Variants in UST observed in about 807,000 individuals in gnomAD.
UST encodes the protein uronyl 2-sulfotransferase, also known as chondroitin sulfate 2-O-sulfotransferase.
In UST, 21 loss-of-function variants were observed where a neutral mutation model predicts 45.6. The ratio of observed to expected loss-of-function variants is 0.46; its 90% CI spans 0.33 to 0.66. UST has a LOEUF of 0.66. UST is among the 30% of genes least tolerant of loss of function. The probability of loss-of-function intolerance (pLI) is 0.02; values close to 1 mark genes in which losing one functional copy is unlikely to be tolerated. For missense variants in UST, 463 were observed against 512.4 expected (o/e 0.90, Z 0.93); for synonymous variants, 215 against 200.6 (o/e 1.07, Z -0.61).
chr6:149,055,664 A>G (rs1776551512), intron 7 of UST, among the ~76,000 whole-genome samples: 1 of 152,110 alleles, frequency 6.6e-6, no homozygotes, highest in African/African-American at 2.4e-5. Context: ...TCTAATTCAC[A>G]TAATGGCCTT....
At chr6:148,757,280 T>C (rs75692087) in intron 1 of UST, among the ~76,000 whole-genome samples, 1,696 of 152,340 alleles carry the variant, frequency 0.011, 27 homozygotes, top group African/African-American at 0.039. Context: ...AGTTTAGAGA[T>C]TTGTGTGCAT....
chr6:148,867,424 A>G (rs72986611), intron 1 of UST, among the ~76,000 whole-genome samples: 39,399 of 152,054 alleles, frequency 0.26, 6,300 homozygotes, highest in Non-Finnish European at 0.38. Context: ...TACCCATGTT[A>G]AAATGTCTTC....
At chr6:148,877,843 C>T (rs1281974509) in intron 1 of UST, among the ~76,000 whole-genome samples, 6 of 104,048 alleles carry the variant, frequency 5.8e-5, no homozygotes, top group South Asian at 3.6e-4. Flanking sequence ...TGCGAGGGGT[C>T]GTGTACGAGT....
chr6:149,054,522 C>T (rs548972397), intron 7 of UST, among the ~76,000 whole-genome samples: 8 of 152,094 alleles, frequency 5.3e-5, no homozygotes, highest in Admixed American at 4.6e-4. Context: ...TGGGGGACAC[C>T]GATGCTTAAT....
intron 7 of UST, among the ~76,000 whole-genome samples, chr6:149,073,075 G>A (rs1030126317): frequency 6.6e-6 from 1 of 152,030 alleles, no homozygotes; most frequent in Non-Finnish European, 1.5e-5. Context: ...TTGTTATTAA[G>A]CATTAGTATA....
intron 1 of UST, among the ~76,000 whole-genome samples, chr6:148,858,236 G>A (rs1328265011): frequency 6.6e-6 from 1 of 152,194 alleles, no homozygotes; most frequent in Non-Finnish European, 1.5e-5. Flanking sequence ...AACCTCAGAA[G>A]TAAGGAAGCC....
chr6:149,012,253 A>C (rs1331255185), intron 5 of UST, among the ~76,000 whole-genome samples: 3 of 152,232 alleles, frequency 2.0e-5, no homozygotes, highest in Non-Finnish European at 2.9e-5. Flanking sequence ...GCCACTTTCC[A>C]ATCCATTAAG....
Position 148,964,492 on chromosome 6 carries a change from T to C in UST, c.610T>C (p.Phe204Leu), listed in dbSNP as rs750658695. The change falls in exon 5 of 8, where the codon TTT becomes CTT. Residue 204 changes from phenylalanine (F) to leucine (L), a missense_variant. Transcript: ENST00000367463. Reference sequence around the variant, plus strand: ...CTTATCCAACTATTTTTTCCGTCGCTTTGGAGACTGGAGAGGGGAACAAAA... The same window carrying C: ...CTTATCCAACTATTTTTTCCGTCGCCTTGGAGACTGGAGAGGGGAACAAAA... ...RFLSNYFFRRFGDWRGEQNHM... is the reference protein window; with the variant it reads ...RFLSNYFFRRLGDWRGEQNHM... 5 of 1,614,172 alleles carry C rather than the reference T, an allele frequency of 3.1e-6. No homozygotes were observed. The highest frequency in any genetic ancestry group is 4.2e-6 in the Non-Finnish European group (5 of 1,180,036).
intron 4 of UST, among the ~76,000 whole-genome samples, chr6:148,958,125 T>C (rs534531771): frequency 1.3e-5 from 2 of 152,318 alleles, no homozygotes; most frequent in East Asian, 3.9e-4. Flanking sequence ...TAGACAGTCT[T>C]GAGTCATGTA....
chr6:148,839,260 G>A (rs765433681), intron 1 of UST, among the ~76,000 whole-genome samples: 4 of 152,154 alleles, frequency 2.6e-5, no homozygotes, highest in South Asian at 2.1e-4. Flanking sequence ...ACAAGAGGAG[G>A]TTCCAATCAA....
chr6:148,806,140 G>A (rs559168092), intron 1 of UST, among the ~76,000 whole-genome samples: 2 of 151,600 alleles, frequency 1.3e-5, no homozygotes, highest in East Asian at 3.9e-4. Flanking sequence ...AAAGTAGCCC[G>A]TGCTTTACTG....
At chr6:148,919,816 G>A (rs1779666884) in intron 2 of UST, among the ~76,000 whole-genome samples, 1 of 152,134 alleles carries the variant, frequency 6.6e-6, no homozygotes, top group South Asian at 2.1e-4. Flanking sequence ...CCAGGGTGTT[G>A]CCAGGTGGCT....
rs368164499 is a variant in UST at position 148,990,399 on chromosome 6, C to T, written c.681+25836C>T. ...GTTAAGCAGATCAACCTATGAAGAG[C>T]GAGAAGCCAAAGGAGATGTTTCATG... On this transcript the variant is annotated intron_variant, in intron 5 of 7. Transcript: ENST00000367463. The T allele has an allele frequency of 1.1e-5, 11 of 985,158 alleles. No homozygotes were observed. The East Asian group carries it at 9.1e-4, about 81-fold the overall frequency. 61.0% of individuals were successfully genotyped at this position (985,158 alleles called of 1,614,324 possible).
intron 2 of UST, among the ~76,000 whole-genome samples, chr6:148,906,299 G>T (rs1231682282): frequency 6.6e-6 from 1 of 152,086 alleles, no homozygotes; most frequent in African/African-American, 2.4e-5. Context: ...CCAGTGAAGT[G>T]GTATGTCAGG....
chr6:148,911,664 A>G (rs1387742489), intron 2 of UST, among the ~76,000 whole-genome samples: 2 of 152,220 alleles, frequency 1.3e-5, no homozygotes, highest in Non-Finnish European at 2.9e-5. Context: ...GTCACAAATG[A>G]AAATTTAGAA....
chr6:148,838,801 A>G (rs1362378078), intron 1 of UST, among the ~76,000 whole-genome samples: 1 of 151,996 alleles, frequency 6.6e-6, no homozygotes, highest in African/African-American at 2.4e-5. Flanking sequence ...ACAGAGGAAG[A>G]AGAGTAGAGG....
At chr6:149,010,906 A>C (rs993555580) in intron 5 of UST, among the ~76,000 whole-genome samples, 1 of 146,966 alleles carries the variant, frequency 6.8e-6, no homozygotes, top group African/African-American at 2.5e-5. Context: ...AAAAAAAAAA[A>C]AAAAAAAAAA....
At chr6:148,981,869 T>C (rs1298634339) in intron 5 of UST, among the ~76,000 whole-genome samples, 1 of 152,196 alleles carries the variant, frequency 6.6e-6, no homozygotes, top group African/African-American at 2.4e-5. Context: ...TCTTTATCTG[T>C]TTGTGCTGCT....
intron 1 of UST, among the ~76,000 whole-genome samples, chr6:148,751,737 AT>A (rs113002435): frequency 0.016 from 2,369 of 148,424 alleles, 19 homozygotes; most frequent in Non-Finnish European, 0.022. Context: ...AATTCAGTGA[AT>A]TTTTTTTTTT....
Sources: allele counts gnomAD v4.1 joint callset (sites outside exome capture counted in the v4.1 genomes callset), GRCh38; gene constraint gnomAD v4.1.1; transcripts MANE v1.5; gene names NCBI Gene and HGNC (gene_info 2026-07-23, HGNC 2026-07-21).